Variants in INPP5A observed in about 807,000 individuals in gnomAD.
INPP5A encodes the protein 43 kDa inositol polyphosphate 5-phophatase.
In INPP5A, 14 loss-of-function variants were observed where a neutral mutation model predicts 65.2. The ratio of observed to expected loss-of-function variants is 0.21; its 90% CI spans 0.14 to 0.34. INPP5A has a LOEUF of 0.34. Ranked by LOEUF, INPP5A falls within the 10% of genes least tolerant of loss-of-function variation. The pLI, the probability that INPP5A is intolerant of heterozygous loss-of-function variation, is 1.00. For missense variants in INPP5A, 431 were observed against 545.6 expected (o/e 0.79, Z 2.09); for synonymous variants, 207 against 208.3 (o/e 0.99, Z 0.05).
At chr10:132,748,789 C>T (rs1472327763) in intron 9 of INPP5A, among the ~76,000 whole-genome samples, 2 of 152,198 alleles carry the variant, frequency 1.3e-5, no homozygotes, top group Non-Finnish European at 2.9e-5. Context: ...CGTAGCTGGT[C>T]AGGCCAGTGA....
intron 1 of INPP5A, among the ~76,000 whole-genome samples, chr10:132,594,510 T>C (rs1489800338): frequency 6.6e-6 from 1 of 151,474 alleles, no homozygotes; most frequent in Non-Finnish European, 1.5e-5. Context: ...GTGTGTGGGG[T>C]GCGTTTGCAT....
rs1317525923 is a variant in INPP5A, at chr10:132,653,077, G to A, written c.306+2572G>A. On this transcript the variant is annotated intron_variant, in intron 4 of 15. Transcript: ENST00000368594. The stretch of plus-strand genomic sequence containing the variant: ...CAGAGCAGTGGTGGACGCAGCCACC[G>A]ACAGAAGGCACCCGCGTGCTGGGCC... Among the ~76,000 whole-genome samples the A allele has an allele frequency of 7.2e-5, 11 of 152,334 alleles. No homozygotes were observed. The South Asian group carries it at 1.2e-3, about 17-fold the overall frequency.
chr10:132,656,684 G>C (rs1387958089), intron 4 of INPP5A, among the ~76,000 whole-genome samples: 3 of 152,246 alleles, frequency 2.0e-5, no homozygotes, highest in Non-Finnish European at 4.4e-5. Context: ...GCTGGGCCAG[G>C]TGAGCCGGTC....
chr10:132,558,343 C>CGGG (rs796534383), intron 1 of INPP5A, among the ~76,000 whole-genome samples: 95 of 152,340 alleles, frequency 6.2e-4, no homozygotes, highest in African/African-American at 2.2e-3. Context: ...CCACTCGCTC[C>CGGG]GGGGCTAATC....
chr10:132,693,659 A>G (rs1353322013), intron 5 of INPP5A, among the ~76,000 whole-genome samples: 3 of 152,222 alleles, frequency 2.0e-5, no homozygotes, highest in Admixed American at 6.5e-5. Context: ...TGGTTGTTTG[A>G]AAAAAACAAT....
intron 1 of INPP5A, among the ~76,000 whole-genome samples, chr10:132,579,772 G>T (rs1033495002): frequency 9.9e-5 from 15 of 152,138 alleles, no homozygotes; most frequent in Admixed American, 3.9e-4. Flanking sequence ...GAGAAGCCCG[G>T]AAGATTGAGC....
At chr10:132,708,278 C>G (rs1298132932) in intron 6 of INPP5A, 35 bp from the exon 7 acceptor site, 1 of 1,609,050 alleles carries the variant, frequency 6.2e-7, no homozygotes, top group African/African-American at 1.3e-5. Context: ...TGCTCACTTA[C>G]TCTGGCTCAT....
chr10:132,703,525 TCA>T (rs1394362490), intron 6 of INPP5A, among the ~76,000 whole-genome samples: 3 of 108,484 alleles, frequency 2.8e-5, no homozygotes, highest in Non-Finnish European at 5.4e-5. Flanking sequence ...ACACACACAC[TCA>T]CATTTACCCA....
At chr10:132,680,017 C>G (rs972005578) in intron 4 of INPP5A, among the ~76,000 whole-genome samples, 1 of 152,174 alleles carries the variant, frequency 6.6e-6, no homozygotes, top group Non-Finnish European at 1.5e-5. Flanking sequence ...AAACATGGGC[C>G]AGAACCTTCA....
intron 1 of INPP5A, among the ~76,000 whole-genome samples, chr10:132,602,221 A>G: frequency 6.6e-6 from 1 of 152,090 alleles, no homozygotes; most frequent in East Asian, 1.9e-4. Context: ...TATAAATGGG[A>G]TTTTAAAACA....
chr10:132,651,705 C>A lies in INPP5A; in HGVS notation c.306+1200C>A, dbSNP rs1399515228. 1.3e-5 allele frequency among the ~76,000 whole-genome samples: 2 copies of A among 152,234 alleles called. No homozygotes were observed. Among genetic ancestry groups the A allele is most frequent in the Non-Finnish European group, 2.9e-5 (2 of 68,032 alleles). ...CGCTCTCCAGTGCCCCCCTGCCCTGCAGGTGGGACTCTCATTGCTGTTTGG... is the reference window on the plus strand; with the variant it reads ...CGCTCTCCAGTGCCCCCCTGCCCTGAAGGTGGGACTCTCATTGCTGTTTGG... On this transcript the variant is annotated intron_variant, in intron 4 of 15. Coordinates refer to ENST00000368594, the MANE Select transcript of INPP5A (RefSeq NM_005539.5). This position sits in a 1 kb window ranked among gnomAD's most constrained non-coding sequence, Gnocchi z 5.0.
chr10:132,696,211 G>A (rs1242605197), intron 5 of INPP5A, among the ~76,000 whole-genome samples: 1 of 152,178 alleles, frequency 6.6e-6, no homozygotes, highest in African/African-American at 2.4e-5. Context: ...CTGCCCAGTG[G>A]ACTAAGGCAG....
intron 9 of INPP5A, among the ~76,000 whole-genome samples, chr10:132,748,189 G>A (rs1033882293): frequency 9.9e-5 from 15 of 150,824 alleles, no homozygotes; most frequent in African/African-American, 2.7e-4. Flanking sequence ...GTTCCCTCCC[G>A]GCCCCCGCAG....
chr10:132,715,118 G>T (rs1845717904), intron 8 of INPP5A, among the ~76,000 whole-genome samples: 1 of 152,232 alleles, frequency 6.6e-6, no homozygotes, highest in Non-Finnish European at 1.5e-5. Flanking sequence ...CCCTTGGGGG[G>T]CATCTGGGGG....
chr10:132,653,302 C>A (rs1431636040), intron 4 of INPP5A, among the ~76,000 whole-genome samples: 1 of 152,062 alleles, frequency 6.6e-6, no homozygotes, highest in East Asian at 1.9e-4. Flanking sequence ...TGGCTACCTT[C>A]TTCAGGCCCC....
At chr10:132,645,744 A>G (rs750862036) in intron 2 of INPP5A, 124 bp from the exon 3 acceptor site, 16 of 657,942 alleles carry the variant, frequency 2.4e-5, no homozygotes, top group Non-Finnish European at 4.3e-5. Flanking sequence ...GGTCGCAGAC[A>G]TGGGGCCCCG....
At chr10:132,780,805 G>T (rs747016623) in intron 13 of INPP5A, 44 bp from the exon 14 acceptor site, 1 of 1,530,252 alleles carries the variant, frequency 6.5e-7, no homozygotes, top group East Asian at 2.3e-5. Flanking sequence ...TGGACCCAGG[G>T]TGCCCCACCT....
chr10:132,566,694 T>C (rs2071278526), intron 1 of INPP5A, among the ~76,000 whole-genome samples: 1 of 152,186 alleles, frequency 6.6e-6, no homozygotes, highest in African/African-American at 2.4e-5. Context: ...AAATGATTAT[T>C]CTTAATAAAA....
chr10:132,662,721 C>T (rs2072752108), intron 4 of INPP5A, among the ~76,000 whole-genome samples: 1 of 152,174 alleles, frequency 6.6e-6, no homozygotes, highest in Non-Finnish European at 1.5e-5. Flanking sequence ...GCTGTCCCTT[C>T]CACACTGCCC....
Sources: gnomAD v4.1 joint callset for allele counts (sites outside exome capture counted in the v4.1 genomes callset) on GRCh38, gnomAD v4.1.1 for gene constraint, Gnocchi (gnomAD v3.1) non-coding constraint, MANE v1.5 for transcripts, NCBI Gene and HGNC (gene_info 2026-07-23, HGNC 2026-07-21) for gene names.